Variants in IQGAP1 observed in about 807,000 individuals in gnomAD.
IQGAP1 encodes ras GTPase-activating-like protein IQGAP1.
IQGAP1 carries 66 observed loss-of-function variants against 215.6 expected under a neutral mutation model. That is an observed-to-expected ratio of 0.31 (90% CI 0.25 to 0.38). IQGAP1 has a LOEUF of 0.38. Ranked by LOEUF, IQGAP1 falls within the 10% of genes least tolerant of loss-of-function variation. The probability of loss-of-function intolerance (pLI) is 1.00; values close to 1 mark genes in which losing one functional copy is unlikely to be tolerated. For missense variants in IQGAP1, 1,712 were observed against 1,997.1 expected, an observed-to-expected ratio of 0.86 and a Z score of 2.72; for synonymous variants, 772 against 728.7, an observed-to-expected ratio of 1.06 and a Z score of -0.96.
intron 3 of IQGAP1, among the ~76,000 whole-genome samples, chr15:90,427,015 C>G (rs1965232985): frequency 6.6e-6 from 1 of 151,288 alleles, no homozygotes; most frequent in Non-Finnish European, 1.5e-5. Flanking sequence ...CACCTGTAAT[C>G]CCAGTACTTG....
chr15:90,487,332 G>T, intron 32 of IQGAP1, 163 bp from the exon 33 acceptor site: 1 of 661,040 alleles, frequency 1.5e-6, no homozygotes, highest in Non-Finnish European at 2.7e-6. Context: ...TTATGGAATG[G>T]CTGGGTAAAT....
At chr15:90,468,903 C>G (rs563126108) in intron 18 of IQGAP1, among the ~76,000 whole-genome samples, 2 of 152,150 alleles carry the variant, frequency 1.3e-5, no homozygotes, top group African/African-American at 2.4e-5. Flanking sequence ...CTCTATGAAT[C>G]TTTTTAAAAT....
chr15:90,429,736 C>A, intron 4 of IQGAP1, 70 bp downstream of exon 4: 2 of 861,836 alleles, frequency 2.3e-6, no homozygotes, highest in South Asian at 1.6e-5. Context: ...ACAACCTGTT[C>A]TCATTCTACC....
chr15:90,410,142 T>G (rs536532549), intron 2 of IQGAP1, among the ~76,000 whole-genome samples: 2 of 152,350 alleles, frequency 1.3e-5, no homozygotes, highest in African/African-American at 4.8e-5. Context: ...GTGCAGAAGC[T>G]CTAGTTTAAT....
intron 35 of IQGAP1, 191 bp from the exon 36 acceptor site, chr15:90,494,519 TTAG>T (rs1966247340): frequency 2.7e-6 from 1 of 366,260 alleles, no homozygotes; most frequent in Admixed American, 4.7e-5. Context: ...TAGAAGCAAT[TTAG>T]TAATATTTCC....
At position 90,443,376 on chromosome 15, in the gene IQGAP1, C is replaced by T; in HGVS notation, c.829-18C>T. The T allele has an allele frequency of 3.8e-6, 6 of 1,574,060 alleles. No individual in the cohort carries two copies. The highest frequency in any genetic ancestry group is 5.2e-6 in the Non-Finnish European group (6 of 1,144,220). Reference sequence around the variant, plus strand: ...GACACCTTAAGCTAACTTAATTACGCTTTTTACTCATCCTCAGACAGAAAA... The same window carrying T: ...GACACCTTAAGCTAACTTAATTACGTTTTTTACTCATCCTCAGACAGAAAA... On this transcript the variant is annotated intron_variant, in intron 8 of 37. Transcript: ENST00000268182.
chr15:90,494,706 TTTACAG>T lies in IQGAP1; in HGVS notation c.4629-6_4629-1del. 6.2e-7 allele frequency: 1 copy of T among 1,600,550 alleles called. No individual in the cohort carries two copies. Among genetic ancestry groups the T allele is most frequent in the Non-Finnish European group, 8.5e-7 (1 of 1,174,980 alleles). ...TTATAGAAAGTGACATGATGTGATTTTTACAGAGTCTCCAAAAAGCCTAGGGAAATG... is the reference window on the plus strand; with the variant it reads ...TTATAGAAAGTGACATGATGTGATTTAGTCTCCAAAAAGCCTAGGGAAATG... On this transcript the variant is annotated splice_acceptor_variant and splice_polypyrimidine_tract_variant and intron_variant, in intron 35 of 37. Transcript: ENST00000268182. LOFTEE classifies it high-confidence loss of function.
At chr15:90,417,214 A>G (rs1325637952) in intron 2 of IQGAP1, among the ~76,000 whole-genome samples, 1 of 152,178 alleles carries the variant, frequency 6.6e-6, no homozygotes, top group Non-Finnish European at 1.5e-5. Flanking sequence ...TCGTTTAATT[A>G]GATCCCATTT....
intron 5 of IQGAP1, among the ~76,000 whole-genome samples, chr15:90,439,079 C>G (rs1965411750): frequency 6.6e-6 from 1 of 151,918 alleles, no homozygotes; most frequent in African/African-American, 2.4e-5. Context: ...TTAATTTGTG[C>G]CTACTGATTT....
intron 2 of IQGAP1, among the ~76,000 whole-genome samples, chr15:90,420,995 T>C (rs1267238589): frequency 1.4e-5 from 2 of 147,396 alleles, no homozygotes; most frequent in Non-Finnish European, 3.0e-5. Context: ...TCTACTAAGA[T>C]GTACAAAAAC....
intron 2 of IQGAP1, among the ~76,000 whole-genome samples, chr15:90,401,002 C>T (rs879174011): frequency 1.3e-5 from 2 of 152,128 alleles, no homozygotes; most frequent in Admixed American, 1.3e-4. Flanking sequence ...TGTAAGAAAG[C>T]GCTGGTAGGC....
chr15:90,440,506 A>G lies in IQGAP1; in HGVS notation c.540A>G (p.Glu180=). Residue 180 remains glutamate, a synonymous_variant, in exon 7 of 38, where the codon GAA becomes GAG. Transcript: ENST00000268182. ...ATTATTAATTCCCTCCTGTAGAAGA[A>G]GAAATCAACAACATGAAGACTGAGT... ...DLYGKVDFTE[E]EINNMKTELE... 1 of 1,558,330 alleles carries G rather than the reference A, an allele frequency of 6.4e-7. No homozygotes were observed. Among genetic ancestry groups the G allele is most frequent in the Non-Finnish European group, 8.7e-7 (1 of 1,148,406 alleles).
chr15:90,465,876 G>A (rs1197124041), intron 15 of IQGAP1, 125 bp from the exon 16 acceptor site: 6 of 749,318 alleles, frequency 8.0e-6, no homozygotes, highest in Admixed American at 4.3e-5. Flanking sequence ...ACTAACCCAC[G>A]TGTCTCATAT....
At chr15:90,440,266 G>A (rs558171512) in intron 6 of IQGAP1, among the ~76,000 whole-genome samples, 38 of 152,244 alleles carry the variant, frequency 2.5e-4, no homozygotes, top group Non-Finnish European at 8.8e-5. Flanking sequence ...ATTTCCTGTA[G>A]GACCTTCTCA....
Position 90,456,257 on chromosome 15 carries a change from C to G in IQGAP1, c.1718C>G (p.Ala573Gly). 6.2e-7 allele frequency: 1 copy of G among 1,614,020 alleles called. No homozygotes were observed. The highest frequency in any genetic ancestry group is 8.5e-7 in the Non-Finnish European group (1 of 1,179,968). The change falls in exon 15 of 38, where the codon GCA (alanine) becomes GGA (glycine). Residue 573 changes from alanine (A) to glycine (G), a missense_variant. Ala to Gly is a moderately conservative substitution (Grantham distance 60, BLOSUM62 0). Transcript: ENST00000268182. ...IPAAKLEGVL[A>G]EVAQHYQDTL... ...GCAGCTAAACTTGAGGGAGTCCTTG[C>G]AGAAGTGGCCCAGCATTACCAAGAC...
chr15:90,442,200 A>G (rs1463644856), intron 8 of IQGAP1, among the ~76,000 whole-genome samples: 1 of 152,190 alleles, frequency 6.6e-6, no homozygotes, highest in Non-Finnish European at 1.5e-5. Flanking sequence ...TAGTTAAATG[A>G]TTCTGACTTG....
At position 90,439,316 on chromosome 15, in the gene IQGAP1, A is replaced by G. The variant is rs1375971365; in HGVS notation, c.468-16A>G. ...ACAGCTGGGAGGCCTAACCTTTTGC[A>G]TATTGTATCTTCTAGTTTGTACCTG... On this transcript the variant is annotated splice_polypyrimidine_tract_variant and intron_variant, in intron 5 of 37. Transcript: ENST00000268182. 6 of 1,609,758 alleles carry G rather than the reference A, an allele frequency of 3.7e-6. No individual in the cohort carries two copies. The highest frequency in any genetic ancestry group is 2.2e-5 in the East Asian group (1 of 44,776).
chr15:90,499,590 C>T (rs1012067408), intron 37 of IQGAP1, among the ~76,000 whole-genome samples: 1 of 152,206 alleles, frequency 6.6e-6, no homozygotes, highest in Non-Finnish European at 1.5e-5. Context: ...TTAAATGCTT[C>T]ACCTTTTCCA....
At chr15:90,400,123 C>G (rs1964784836) in intron 2 of IQGAP1, among the ~76,000 whole-genome samples, 1 of 151,626 alleles carries the variant, frequency 6.6e-6, no homozygotes, top group African/African-American at 2.4e-5. Context: ...AGCAATTTTG[C>G]CTGCAATGTG....
Sources: allele counts gnomAD v4.1 joint callset (sites outside exome capture counted in the v4.1 genomes callset), GRCh38; gene constraint gnomAD v4.1.1; transcripts MANE v1.5; gene names NCBI Gene and HGNC (gene_info 2026-07-23, HGNC 2026-07-21).